SRSF11: variants seen among roughly 807,000 people sequenced by gnomAD.
SRSF11 encodes serine/arginine-rich splicing factor 11.
Under a neutral mutation model 56.0 loss-of-function variants are expected in SRSF11, and 9 were observed. The observed-to-expected ratio is 0.16, with a 90% CI of 0.10 to 0.28. The LOEUF (loss-of-function observed/expected upper bound fraction) is 0.28. Ranked by LOEUF, SRSF11 falls within the 10% of genes least tolerant of loss-of-function variation. The pLI is 1.00. For synonymous variants in SRSF11, 222 were observed against 215.3 expected (o/e 1.03, Z -0.27); for missense variants, 421 against 600.7 (o/e 0.70, Z 3.13).
intron 1 of SRSF11, among the ~76,000 whole-genome samples, chr1:70,223,538 A>C (rs571763774): frequency 1.3e-5 from 2 of 152,308 alleles, no homozygotes; most frequent in South Asian, 4.1e-4. Flanking sequence ...GATATTCTGC[A>C]TTAAAAGGAC....
intron 1 of SRSF11, among the ~76,000 whole-genome samples, chr1:70,210,365 C>G (rs1305863968): frequency 6.6e-6 from 1 of 152,026 alleles, no homozygotes; most frequent in East Asian, 1.9e-4. Context: ...CCATATTGCC[C>G]AGACTGGTCT....
At chr1:70,228,346 A>G in intron 1 of SRSF11, 76 bp from the exon 2 acceptor site, 1 of 1,121,238 alleles carries the variant, frequency 8.9e-7, no homozygotes, top group South Asian at 1.5e-5. Flanking sequence ...TACTTTTGAA[A>G]TGTGTTGGTT....
chr1:70,212,484 T>C (rs1002594928), intron 1 of SRSF11, among the ~76,000 whole-genome samples: 1 of 152,172 alleles, frequency 6.6e-6, no homozygotes, highest in Admixed American at 6.5e-5. Flanking sequence ...CTTGAATTCC[T>C]GACCTCAGGT....
rs1158422709 is a variant in SRSF11 at position 70,239,421 on chromosome 1, C to G, written c.719-18C>G. On this transcript the variant is annotated intron_variant, in intron 6 of 11. Coordinates refer to ENST00000370949, the MANE Select transcript of SRSF11 (RefSeq NM_001350605.2). ...TTTAATAACTTCTAAATGCAGGTTC[C>G]TTTTCTTTTAAATATAGATAAGAAA... 6.4e-7 allele frequency: 1 copy of G among 1,570,138 alleles called. No individual in the cohort carries two copies. Among genetic ancestry groups the G allele is most frequent in the African/African-American group, 1.4e-5 (1 of 72,414 alleles).
At chr1:70,218,921 C>T (rs967308721), upstream of SRSF11, 5 of 152,082 alleles carry the variant, frequency 3.3e-5, no homozygotes, top group African/African-American at 1.2e-4. Flanking sequence ...AAAATAATGA[C>T]ATTAAAAATA....
At chr1:70,209,277 AG>A (rs1351101245) in intron 1 of SRSF11, among the ~76,000 whole-genome samples, 5 of 152,336 alleles carry the variant, frequency 3.3e-5, no homozygotes, top group African/African-American at 1.2e-4. Context: ...AATTGTAGTA[AG>A]GGTAAATTGA....
chr1:70,212,561 T>C (rs1221253686), intron 1 of SRSF11, among the ~76,000 whole-genome samples: 2 of 152,160 alleles, frequency 1.3e-5, no homozygotes, highest in African/African-American at 4.8e-5. Flanking sequence ...CTGGTTTTAA[T>C]TTAATATTAA....
intron 2 of SRSF11, chr1:70,229,225 C>T: frequency 7.8e-7 from 1 of 1,289,416 alleles, no homozygotes; most frequent in Non-Finnish European, 1.0e-6. Flanking sequence ...AAGGCAAATG[C>T]AAAACCCTTC....
chr1:70,221,285 C>T (rs889943759), upstream of SRSF11: 3 of 287,672 alleles, frequency 1.0e-5, no homozygotes, highest in East Asian at 6.1e-5. Context: ...CCTCTCATTT[C>T]TCGGGCTGCA....
In SRSF11 at chr1:70,252,601, T is replaced by A. The variant is rs1189950134; in HGVS notation, c.*1796T>A. 5 of 151,894 alleles carry A rather than the reference T, an allele frequency of 3.3e-5. No individual in the cohort carries two copies. The highest frequency in any genetic ancestry group is 3.3e-4 in the Admixed American group (5 of 15,258). 9.4% of individuals were successfully genotyped at this position (151,894 alleles called of 1,614,324 possible). ...TTTTATCAAAAAGAATTGTCTATAG[T>A]GAGTAAAAGAAGTTCTAATAATGGT... On this transcript the variant is annotated 3_prime_UTR_variant, in exon 12 of 12. Transcript: ENST00000370949.
chr1:70,229,622 C>G, intron 2 of SRSF11: 1 of 983,126 alleles, frequency 1.0e-6, no homozygotes, highest in Non-Finnish European at 1.2e-6. Flanking sequence ...GATTTAAATG[C>G]TTTCCCCTTT....
upstream of SRSF11, among the ~76,000 whole-genome samples, chr1:70,219,530 G>A (rs1670320669): frequency 6.6e-6 from 1 of 152,142 alleles, no homozygotes; most frequent in African/African-American, 2.4e-5. Flanking sequence ...CAGGTTGGTT[G>A]AATCCACATA....
intron 3 of SRSF11, among the ~76,000 whole-genome samples, chr1:70,232,827 A>G (rs1341878189): frequency 1.3e-5 from 2 of 151,904 alleles, no homozygotes; most frequent in Non-Finnish European, 2.9e-5. Flanking sequence ...CTTGATGGAG[A>G]TGTTTGATAT....
intron 2 of SRSF11, chr1:70,228,806 C>T (rs1327958020): frequency 2.6e-6 from 3 of 1,135,822 alleles, no homozygotes; most frequent in Non-Finnish European, 3.2e-6. Context: ...AACCATGTCC[C>T]TTATTGTAAC....
intron 10 of SRSF11, 76 bp from the exon 11 acceptor site, chr1:70,250,289 A>C (rs1174152745): frequency 8.2e-6 from 13 of 1,578,058 alleles, no homozygotes; most frequent in Non-Finnish European, 7.7e-6. Context: ...TGTACTACTT[A>C]TATCCTGTGA....
rs568247311 is a variant in SRSF11 at position 70,247,561 on chromosome 1, A to G, written c.1022+654A>G. Among the ~76,000 whole-genome samples the G allele has an allele frequency of 4.6e-5, 7 of 152,210 alleles. No homozygotes were observed. In the East Asian group the frequency reaches 1.3e-3, roughly 29 times the overall value. Reference sequence around the variant, plus strand: ...CATGCCATATAAAAAAAAATAACTGAAATGTATAAAAGACCTAAATGTAAG... The same window carrying G: ...CATGCCATATAAAAAAAAATAACTGGAATGTATAAAAGACCTAAATGTAAG... On this transcript the variant is annotated intron_variant, in intron 9 of 11. Coordinates refer to ENST00000370949, the MANE Select transcript of SRSF11 (RefSeq NM_001350605.2).
intron 2 of SRSF11, chr1:70,230,676 T>A: frequency 8.0e-7 from 1 of 1,250,976 alleles, no homozygotes; most frequent in East Asian, 5.7e-5. Context: ...AGTCTTTTTT[T>A]AATCAGAGGA....
At chr1:70,212,630 T>G (rs975956659) in intron 1 of SRSF11, among the ~76,000 whole-genome samples, 1 of 152,234 alleles carries the variant, frequency 6.6e-6, no homozygotes, top group African/African-American at 2.4e-5. Flanking sequence ...TGTATTGCAG[T>G]AGCCTCTTAA....
chr1:70,236,797 T>TC (rs1376913456), intron 5 of SRSF11, among the ~76,000 whole-genome samples: 1 of 134,174 alleles, frequency 7.5e-6, no homozygotes, highest in Non-Finnish European at 1.6e-5. Flanking sequence ...CATAAATTTT[T>TC]TTTTTTTTTT....
Sources: allele counts gnomAD v4.1 joint callset (sites outside exome capture counted in the v4.1 genomes callset), GRCh38; gene constraint gnomAD v4.1.1; transcripts MANE v1.5; gene names NCBI Gene and HGNC (gene_info 2026-07-23, HGNC 2026-07-21).